The following NDC80 variants were observed in gnomAD, a reference collection of about 807,000 sequenced individuals.
NDC80 encodes the protein NDC80 kinetochore complex component, also known as kinetochore protein NDC80 homolog.
Under a neutral mutation model 89.3 loss-of-function variants are expected in NDC80, and 69 were observed. That is an observed-to-expected ratio of 0.77 (90% confidence interval 0.64 to 0.94). The LOEUF is 0.94. Among genes scored for constraint, NDC80 ranks in the 40% least tolerant of loss-of-function variants. NDC80 has a pLI of 0.00. For missense variants in NDC80, 593 were observed against 739.6 expected (o/e 0.80, Z 2.30); for synonymous variants, 243 against 255.6 (o/e 0.95, Z 0.47).
At chr18:2,583,612 G>A (rs1000840904) in intron 6 of NDC80, among the ~76,000 whole-genome samples, 1 of 151,230 alleles carries the variant, frequency 6.6e-6, no homozygotes, top group East Asian at 2.0e-4. Flanking sequence ...CAGGAGAATC[G>A]CTTGAACCCA....
chr18:2,573,109 T>C (rs1334206567), intron 2 of NDC80, 23 bp downstream of exon 2: 2 of 1,561,462 alleles, frequency 1.3e-6, no homozygotes, highest in Non-Finnish European at 1.8e-6. Flanking sequence ...CTTGTGGTTC[T>C]AATTTGCATG....
rs762970153 is a variant in NDC80 at position 2,589,225 on chromosome 18, C to A, written c.785C>A (p.Ala262Asp). Reference protein sequence around the residue: ...SKLKDLFNVDAFKLESLEAKN... With the variant: ...SKLKDLFNVDDFKLESLEAKN... Reference sequence around the variant, plus strand: ...CCAGAGGATTTATTTAATGTGGATGCTTTTAAGCTGGAATCATTAGAAGCA... The same window carrying A: ...CCAGAGGATTTATTTAATGTGGATGATTTTAAGCTGGAATCATTAGAAGCA... The change falls in exon 9 of 17, where the codon GCT becomes GAT. Residue 262 changes from alanine (A) to aspartate (D), a missense_variant. Coordinates refer to ENST00000261597, the MANE Select transcript of NDC80 (RefSeq NM_006101.3). The A allele has an allele frequency of 1.2e-6, 2 of 1,612,436 alleles. No homozygotes were observed. Among genetic ancestry groups the A allele is most frequent in the African/African-American group, 1.3e-5 (1 of 74,846 alleles).
chr18:2,579,723 G>A (rs975286495), intron 6 of NDC80, among the ~76,000 whole-genome samples: 2 of 152,144 alleles, frequency 1.3e-5, no homozygotes, highest in East Asian at 3.8e-4. Flanking sequence ...CACCATGACC[G>A]GCCCCTTGTG....
At chr18:2,601,985 A>G (rs2072686475) in intron 13 of NDC80, among the ~76,000 whole-genome samples, 3 of 152,162 alleles carry the variant, frequency 2.0e-5, no homozygotes, top group Non-Finnish European at 4.4e-5. Context: ...AATATCACCT[A>G]TATCCCTGAA....
chr18:2,607,874 C>G (rs980173731), intron 14 of NDC80, among the ~76,000 whole-genome samples: 3 of 146,650 alleles, frequency 2.0e-5, no homozygotes, highest in Non-Finnish European at 4.5e-5. Context: ...CATAATCTGT[C>G]TTTCTCAAGA....
chr18:2,604,800 T>C (rs1461530215), intron 13 of NDC80, among the ~76,000 whole-genome samples: 2 of 152,168 alleles, frequency 1.3e-5, no homozygotes, highest in Non-Finnish European at 2.9e-5. Context: ...ACTGGTTGAA[T>C]TTTTTTGTAT....
intron 12 of NDC80, 45 bp from the exon 13 acceptor site, chr18:2,601,351 G>A (rs755951324): frequency 2.1e-6 from 2 of 943,032 alleles, no homozygotes; most frequent in Admixed American, 2.8e-5. Context: ...GGGATATTTT[G>A]TAATTAAATG....
At chr18:2,605,326 G>A (rs1356080748) in intron 13 of NDC80, among the ~76,000 whole-genome samples, 3 of 112,822 alleles carry the variant, frequency 2.7e-5, no homozygotes, top group South Asian at 3.1e-4. Flanking sequence ...GTGTGTGTGT[G>A]TGTATGTACA....
chr18:2,610,950 G>T, intron 16 of NDC80, 89 bp downstream of exon 16: 9 of 789,198 alleles, frequency 1.1e-5, no homozygotes, highest in Admixed American at 3.8e-5. Context: ...ATTAAATGAT[G>T]AATTTTATTT....
intron 7 of NDC80, among the ~76,000 whole-genome samples, chr18:2,586,629 C>T (rs2072604272): frequency 6.6e-6 from 1 of 152,056 alleles, no homozygotes; most frequent in African/African-American, 2.4e-5. Flanking sequence ...ACTTGGGAGG[C>T]TGAGGCTGCA....
At chr18:2,575,338 A>C (rs887230642) in intron 3 of NDC80, among the ~76,000 whole-genome samples, 1 of 152,202 alleles carries the variant, frequency 6.6e-6, no homozygotes. Context: ...TCGCATTTTA[A>C]AATAAGGAGT....
Position 2,610,785 on chromosome 18 carries a change from C to T in NDC80, c.1715C>T (p.Thr572Ile). Residue 572 changes from threonine (T) to isoleucine (I), a missense_variant, in exon 16 of 17, where the codon ACT (threonine) becomes ATT (isoleucine). Physicochemically the swap from Thr to Ile is moderately conservative, Grantham distance 89. Transcript: ENST00000261597. ...REYQLVVQTT[T>I]EERRKVGNNL... ...TACCAACTAGTTGTGCAAACCACGA[C>T]TGAAGAAAGACGAAAAGTGGGAAAT... 1 of 1,591,844 alleles carries T rather than the reference C, an allele frequency of 6.3e-7. No homozygotes were observed. The highest frequency in any genetic ancestry group is 8.6e-7 in the Non-Finnish European group (1 of 1,164,670).
Position 2,589,229 on chromosome 18 carries a change from T to C in NDC80, c.789T>C (p.Phe263=), listed in dbSNP as rs1260615698. The stretch of plus-strand genomic sequence containing the variant: ...AGGATTTATTTAATGTGGATGCTTT[T>C]AAGCTGGAATCATTAGAAGCAAAAA... The part of the protein sequence containing the change: ...KLKDLFNVDA[F]KLESLEAKNR... The change falls in exon 9 of 17, where the codon TTT becomes TTC. Residue 263 remains phenylalanine, a synonymous_variant. Coordinates refer to ENST00000261597, the MANE Select transcript of NDC80 (RefSeq NM_006101.3). 1 of 1,613,462 alleles carries C rather than the reference T, an allele frequency of 6.2e-7. No homozygotes were observed. The highest frequency in any genetic ancestry group is 1.1e-5 in the South Asian group (1 of 91,042).
intron 14 of NDC80, among the ~76,000 whole-genome samples, chr18:2,606,785 T>C (rs998199341): frequency 6.6e-6 from 1 of 152,116 alleles, no homozygotes; most frequent in Non-Finnish European, 1.5e-5. Flanking sequence ...TCAGTATCCT[T>C]GCAAAACTAA....
At chr18:2,595,026 A>G (rs1373065516) in intron 10 of NDC80, 3 of 152,372 alleles carry the variant, frequency 2.0e-5, no homozygotes, top group Non-Finnish European at 4.4e-5. Flanking sequence ...CAGGATTCTT[A>G]ATGGCAGTCA....
intron 16 of NDC80, among the ~76,000 whole-genome samples, chr18:2,611,708 A>C (rs1327510419): frequency 6.6e-6 from 1 of 152,186 alleles, no homozygotes. Flanking sequence ...TTGCTGAACT[A>C]TAAAATTCTT....
At chr18:2,613,231 G>T (rs902934914) in intron 16 of NDC80, among the ~76,000 whole-genome samples, 4 of 152,194 alleles carry the variant, frequency 2.6e-5, no homozygotes, top group African/African-American at 9.7e-5. Flanking sequence ...GGCTGGTTTT[G>T]CACTACAGTG....
intron 10 of NDC80, 150 bp from the exon 11 acceptor site, chr18:2,595,266 A>G (rs1440117713): frequency 5.5e-6 from 1 of 181,106 alleles, no homozygotes; most frequent in Non-Finnish European, 1.1e-5. Context: ...TTTTATATAT[A>G]CTATAAAAAC....
At chr18:2,615,625 A>G (rs569503827) in intron 16 of NDC80, among the ~76,000 whole-genome samples, 7 of 152,230 alleles carry the variant, frequency 4.6e-5, no homozygotes, top group Non-Finnish European at 7.3e-5. Context: ...TTCTGGAATT[A>G]GGGCATGGAC....
Sources: allele counts gnomAD v4.1 joint callset (sites outside exome capture counted in the v4.1 genomes callset), GRCh38; gene constraint gnomAD v4.1.1; transcripts MANE v1.5; gene names NCBI Gene and HGNC (gene_info 2026-07-23, HGNC 2026-07-21).